Variants in SYNE1 observed in about 807,000 individuals in gnomAD.
SYNE1 encodes the protein nesprin-1.
SYNE1 carries 616 observed loss-of-function variants against 1,111.0 expected under a neutral mutation model. The observed-to-expected ratio is 0.55, with a 90% CI of 0.52 to 0.59. The LOEUF is 0.59. Ranked by LOEUF, SYNE1 falls within the 20% of genes least tolerant of loss-of-function variation. The pLI, the probability that SYNE1 is intolerant of heterozygous loss-of-function variation, is 0.00. For synonymous variants in SYNE1, 3,855 were observed against 3,825.8 expected (o/e 1.01, Z -0.28); for missense variants, 10,006 against 10,417.0 (o/e 0.96, Z 1.72).
chr6:152,297,790 TGTG>T (rs2094952602), intron 93 of SYNE1, among the ~76,000 whole-genome samples: 2 of 68,672 alleles, frequency 2.9e-5, no homozygotes, highest in Non-Finnish European at 5.2e-5. Flanking sequence ...TCTGTGTGTG[TGTG>T]TGTGTGTGTG....
rs759447071 is a variant in SYNE1 at position 152,122,542 on chromosome 6, C to T, written c.26288G>A (p.Cys8763Tyr). 19 of 1,614,180 alleles carry T rather than the reference C, an allele frequency of 1.2e-5. No individual in the cohort carries two copies. The South Asian group carries it at 2.1e-4, about 18-fold the overall frequency. ...GTCTTCCTCTGACATTGGTACAAGG[C>T]AGGCAAGCCCGATGAGGAGGAGCAG... ...LLLLLLIGLACLVPMSEEDYS... is the reference protein window; with the variant it reads ...LLLLLLIGLAYLVPMSEEDYS... Residue 8763 changes from cysteine (C) to tyrosine (Y), a missense_variant, in exon 146 of 146, where the codon TGC (cysteine) becomes TAC (tyrosine). By Grantham distance (194) the Cys-to-Tyr change is radical. Around this residue, in one of 7 missense-constraint regions of SYNE1, gnomAD observed 761 missense variants for 795.5 expected, o/e 0.96. Transcript: ENST00000367255.
chr6:152,138,305 AT>A, intron 140 of SYNE1, among the ~76,000 whole-genome samples: 1 of 152,004 alleles, frequency 6.6e-6, no homozygotes, highest in South Asian at 2.1e-4. Context: ...GAGGTCAGGA[AT>A]TCGAGACCAG....
chr6:152,326,728 C>T, intron 78 of SYNE1, 95 bp from the exon 79 acceptor site: 1 of 1,199,504 alleles, frequency 8.3e-7, no homozygotes, highest in African/African-American at 1.5e-5. Context: ...AGTCCTTAGT[C>T]TCATGGGCGT....
chr6:152,209,796 G>A (rs2077194297), intron 124 of SYNE1, among the ~76,000 whole-genome samples: 1 of 151,796 alleles, frequency 6.6e-6, no homozygotes, highest in Admixed American at 6.6e-5. Context: ...CTTAGATTTT[G>A]ATGATGACTT....
chr6:152,133,217 T>C, intron 143 of SYNE1, 59 bp downstream of exon 143: 9 of 1,481,622 alleles, frequency 6.1e-6, no homozygotes, highest in Non-Finnish European at 8.5e-6. Flanking sequence ...TGCATGAAGA[T>C]GATGCTTCTT....
At chr6:152,590,099 AATTATTATT>A (rs747538908) in intron 3 of SYNE1, among the ~76,000 whole-genome samples, 2 of 149,484 alleles carry the variant, frequency 1.3e-5, no homozygotes, top group African/African-American at 2.5e-5. Flanking sequence ...ACACCTGACT[AATTATTATT>A]ATTATTATTA....
chr6:152,430,845 G>A, intron 34 of SYNE1, 136 bp from the exon 35 acceptor site: 1 of 839,630 alleles, frequency 1.2e-6, no homozygotes, highest in South Asian at 1.4e-5. Context: ...GCAGCTGTGA[G>A]CAAACACCAT....
At chr6:152,596,388 T>G (rs910330692) in intron 3 of SYNE1, among the ~76,000 whole-genome samples, 1 of 151,390 alleles carries the variant, frequency 6.6e-6, no homozygotes, top group Non-Finnish European at 1.5e-5. Flanking sequence ...CCTGAGTAGC[T>G]GGGATTACAG....
chr6:152,444,613 A>G (rs1212425838), intron 29 of SYNE1, 35 bp from the exon 30 acceptor site: 1 of 1,573,796 alleles, frequency 6.4e-7, no homozygotes, highest in Non-Finnish European at 8.6e-7. Context: ...CACGTAAATC[A>G]TATGCTACTT....
intron 66 of SYNE1, among the ~76,000 whole-genome samples, chr6:152,357,283 C>T (rs2096854867): frequency 6.6e-6 from 1 of 152,094 alleles, no homozygotes; most frequent in East Asian, 1.9e-4. Context: ...CTTCCCAATC[C>T]CAACCCCATT....
rs776429662 is a variant in SYNE1, at chr6:152,462,837, A to G, written c.2151T>C (p.Val717=). 2 of 1,613,960 alleles carry G rather than the reference A, an allele frequency of 1.2e-6. No individual in the cohort carries two copies. Among genetic ancestry groups the G allele is most frequent in the Non-Finnish European group, 1.7e-6 (2 of 1,179,898 alleles). The change falls in exon 20 of 146, where the codon GTT becomes GTC. Residue 717 remains valine (V), a synonymous_variant. Transcript: ENST00000367255. The stretch of plus-strand genomic sequence containing the variant: ...CCGTTGCAAAAGCAGACAGGGTAAC[A>G]ACACAGTCTGTGTATTCCTTCTTCA... The part of the protein sequence containing the change: ...DRMKKEYTDC[V]VTLSAFATEA...
intron 6 of SYNE1, among the ~76,000 whole-genome samples, chr6:152,517,013 C>T (rs1177633373): frequency 2.0e-5 from 3 of 152,184 alleles, no homozygotes; most frequent in Non-Finnish European, 2.9e-5. Flanking sequence ...GGAAACACTG[C>T]CTGATATTGC....
intron 2 of SYNE1, among the ~76,000 whole-genome samples, chr6:152,634,582 G>T (rs1428396477): frequency 1.3e-5 from 2 of 152,192 alleles, no homozygotes; most frequent in Non-Finnish European, 2.9e-5. Flanking sequence ...ATAAATGTGT[G>T]CAGGTTATCA....
chr6:152,352,410 T>TC, intron 69 of SYNE1, 57 bp from the exon 70 acceptor site: 3 of 1,491,380 alleles, frequency 2.0e-6, no homozygotes. Flanking sequence ...TTTTCTTTCT[T>TC]TTTTTTTTTT....
Position 152,447,481 on chromosome 6 carries a change from C to T in SYNE1, c.3646G>A (p.Ala1216Thr), listed in dbSNP as rs959155010. 2 of 1,614,190 alleles carry T rather than the reference C, an allele frequency of 1.2e-6. No homozygotes were observed. The highest frequency in any genetic ancestry group is 1.7e-6 in the Non-Finnish European group (2 of 1,180,030). ...ACCTCTGACAGCAGCGTCACAAGAG[C>T]CTTGAAAGAGCTGGATAATTTTGCC... ...ELAKLSSSFK[A>T]LVTLLSEVEK... is the part of the protein sequence containing the mutation. Residue 1216 changes from alanine (A) to threonine (T), a missense_variant, in exon 29 of 146, where the codon GCT becomes ACT. Physicochemically the swap from Ala to Thr is moderately conservative, Grantham distance 58 (BLOSUM62 0). Coordinates refer to ENST00000367255, the MANE Select transcript of SYNE1 (RefSeq NM_182961.4).
chr6:152,488,058 G>T (rs2098950583), intron 12 of SYNE1, among the ~76,000 whole-genome samples: 2 of 143,412 alleles, frequency 1.4e-5, no homozygotes, highest in South Asian at 4.6e-4. Context: ...CTGGGAGAGA[G>T]AGTGAGACTC....
At chr6:152,125,569 C>T (rs978424852) in intron 145 of SYNE1, 46 of 515,944 alleles carry the variant, frequency 8.9e-5, no homozygotes, top group Non-Finnish European at 9.6e-6. Context: ...TTCTTCAAAA[C>T]ATCCTTCCCC....
At chr6:152,300,911 C>A in intron 92 of SYNE1, 130 bp from the exon 93 acceptor site, 2 of 1,222,490 alleles carry the variant, frequency 1.6e-6, no homozygotes, top group Non-Finnish European at 2.3e-6. Context: ...CCCGAATTCA[C>A]ATATTAATCC....
intron 91 of SYNE1, among the ~76,000 whole-genome samples, chr6:152,305,176 C>T (rs1420477497): frequency 1.3e-5 from 2 of 151,994 alleles, no homozygotes; most frequent in Non-Finnish European, 1.5e-5. Flanking sequence ...CCGCATCAGG[C>T]GGAAAGAAAA....
Sources: allele counts gnomAD v4.1 joint callset (sites outside exome capture counted in the v4.1 genomes callset), GRCh38; gene constraint gnomAD v4.1.1; regional missense constraint gnomAD v4.1.1; transcripts MANE v1.5; gene names NCBI Gene and HGNC (gene_info 2026-07-23, HGNC 2026-07-21).